The following LONP1 variants were observed in gnomAD, a reference collection of about 807,000 sequenced individuals.
The protein encoded by LONP1 is lon protease homolog, mitochondrial.
Under a neutral mutation model 98.5 loss-of-function variants are expected in LONP1, and 31 were observed. That is an observed-to-expected ratio of 0.31 (90% CI 0.24 to 0.42). LONP1 has a LOEUF of 0.42. Among genes scored for constraint, LONP1 ranks in the 20% least tolerant of loss-of-function variants. The pLI is 1.00. For missense variants in LONP1, 1,336 were observed against 1,350.6 expected (o/e 0.99, Z 0.17); for synonymous variants, 781 against 594.7 (o/e 1.31, Z -4.56).
intron 7 of LONP1, 90 bp downstream of exon 7, chr19:5,706,970 G>A (rs553694925): frequency 9.0e-6 from 10 of 1,105,944 alleles, no homozygotes; most frequent in East Asian, 2.5e-5. Flanking sequence ...CGATGCCACC[G>A]GTCCCTCCGT....
At chr19:5,713,416 G>A (rs972977133) in intron 2 of LONP1, among the ~76,000 whole-genome samples, 163 bp from the exon 3 acceptor site, 1 of 152,196 alleles carries the variant, frequency 6.6e-6, no homozygotes, top group African/African-American at 2.4e-5. Context: ...AGAGCCTAGG[G>A]GAGCTTCTGC....
In LONP1 at chr19:5,705,974, G is replaced by T. The variant is rs778112465; in HGVS notation, c.1165C>A (p.Gln389Lys). The part of the protein sequence containing the change: ...LGREVEEKIK[Q>K]THRKYLLQEQ... ...TGCAGCAGGTACTTACGGTGGGTCT[G>T]CTTGATCTTCTCCTCCACCTGTGGG... The change falls in exon 8 of 18, where the codon CAG becomes AAG. Residue 389 changes from glutamine (Q) to lysine (K), a missense_variant. This residue lies in a region of LONP1 where 219 missense variants were observed against 241.0 expected (regional missense o/e 0.91). Coordinates refer to ENST00000360614, the MANE Select transcript of LONP1 (RefSeq NM_004793.4). The T allele has an allele frequency of 1.2e-6, 2 of 1,612,394 alleles. No homozygotes were observed. Among genetic ancestry groups the T allele is most frequent in the Admixed American group, 3.3e-5 (2 of 60,010 alleles).
intron 9 of LONP1, among the ~76,000 whole-genome samples, chr19:5,699,748 C>T (rs1462032947): frequency 4.0e-5 from 6 of 151,144 alleles, no homozygotes; most frequent in East Asian, 2.0e-4. Context: ...TTAGTAGAGG[C>T]GAGGTTTCAC....
intron 8 of LONP1, among the ~76,000 whole-genome samples, chr19:5,704,658 T>C (rs954507310): frequency 6.6e-6 from 1 of 152,156 alleles, no homozygotes; most frequent in East Asian, 1.9e-4. Context: ...TGGCTGGACA[T>C]GGGCATGGCT....
chr19:5,708,187 G>A (rs567466905), intron 5 of LONP1, among the ~76,000 whole-genome samples, 155 bp downstream of exon 5: 109 of 152,312 alleles, frequency 7.2e-4, no homozygotes, highest in South Asian at 1.7e-3. Context: ...CCTGCCCCAT[G>A]CCCCAGTGGG....
At chr19:5,714,095 T>C in intron 2 of LONP1, 88 bp downstream of exon 2, 1 of 1,013,822 alleles carries the variant, frequency 9.9e-7, no homozygotes, top group Non-Finnish European at 1.5e-6. Context: ...GGGTCAGGGG[T>C]CAAAGGTGCA....
At position 5,696,168 on chromosome 19, in the gene LONP1, C is replaced by T. The variant is rs2054923969; in HGVS notation, c.1899G>A (p.Val633=). Residue 633 remains valine, a splice_region_variant and synonymous_variant, in exon 13 of 18, where the codon GTG becomes GTA. Transcript: ENST00000360614. ...TGACGTTGGCCGTGCAGATGAACAG[C>T]ACCTGGGGGCGGCGGCAAGGTGCTG... ...YLDVPVDLSK[V]LFICTANVTD... 9 of 1,612,812 alleles carry T rather than the reference C, an allele frequency of 5.6e-6. No individual in the cohort carries two copies. The highest frequency in any genetic ancestry group is 2.2e-5 in the East Asian group (1 of 44,876).
chr19:5,701,380 G>A (rs966450153), intron 8 of LONP1, among the ~76,000 whole-genome samples: 9 of 151,998 alleles, frequency 5.9e-5, no homozygotes, highest in South Asian at 2.1e-4. Flanking sequence ...CTCTGATGCC[G>A]AGCCGAGGCT....
At chr19:5,697,083 C>T (rs534508876) in intron 10 of LONP1, among the ~76,000 whole-genome samples, 4 of 152,290 alleles carry the variant, frequency 2.6e-5, no homozygotes, top group African/African-American at 9.6e-5. Context: ...GGACGCCAGG[C>T]ACGCCTCAGC....
Position 5,711,968 on chromosome 19 carries a change from C to T in LONP1, c.673G>A (p.Glu225Lys), listed in dbSNP as rs373028270. 58 of 1,613,044 alleles carry T rather than the reference C, an allele frequency of 3.6e-5. No individual in the cohort carries two copies. The highest frequency in any genetic ancestry group is 4.6e-5 in the Non-Finnish European group (54 of 1,179,954). ...HISRQLEVEP[E>K]EPEAENKHKP... Reference sequence around the variant, plus strand: ...TGCTTGTTCTCCGCCTCCGGCTCCTCGGGCTCCACCTCCAGCTGTCTGCTG... The same window carrying T: ...TGCTTGTTCTCCGCCTCCGGCTCCTTGGGCTCCACCTCCAGCTGTCTGCTG... The change falls in exon 4 of 18, where the codon GAG (glutamate) becomes AAG (lysine). Residue 225 changes from glutamate to lysine, a missense_variant. Coordinates refer to ENST00000360614, the MANE Select transcript of LONP1 (RefSeq NM_004793.4).
rs373533583 is a variant in LONP1, at chr19:5,714,250, C to T, written c.451G>A (p.Glu151Lys). The T allele has an allele frequency of 1.2e-6, 2 of 1,613,774 alleles. No individual in the cohort carries two copies. Among genetic ancestry groups the T allele is most frequent in the Admixed American group, 3.3e-5 (2 of 59,956 alleles). The change falls in exon 2 of 18, where the codon GAG becomes AAG. Residue 151 changes from glutamate (E) to lysine (K), a missense_variant. By Grantham distance (56) the Glu-to-Lys change is moderately conservative. Around this residue, in one of 5 missense-constraint regions of LONP1, gnomAD observed 457 missense variants for 403.1 expected, o/e 1.13. Transcript: ENST00000360614. ...IIEVKNKKLV[E>K]LLRRKVRLAQ... ...AGACGAACTTTCCTTCTCAGCAGCT[C>T]AACCAACTTCTTATTTTTAACCTAG...
chr19:5,697,726 ATCCATCGCCCCGCAGCCAGTC>A (rs1394810282), intron 10 of LONP1, among the ~76,000 whole-genome samples: 1 of 150,996 alleles, frequency 6.6e-6, no homozygotes, highest in East Asian at 2.0e-4. Context: ...AATAACAACG[ATCCATCGCCCCGCAGCCAGTC>A]TCCTGTCCTT....
At position 5,696,044 on chromosome 19, in the gene LONP1, C is replaced by T. The variant is rs2054921163; in HGVS notation, c.2013+10G>A. On this transcript the variant is annotated intron_variant, in intron 13 of 17. Coordinates refer to ENST00000360614, the MANE Select transcript of LONP1 (RefSeq NM_004793.4). ...GGAAGGGGACAGCAGTGGGGAGGGGCTGGGCTTACCTCCGCAATGGCCAGC... is the reference window on the plus strand; with the variant it reads ...GGAAGGGGACAGCAGTGGGGAGGGGTTGGGCTTACCTCCGCAATGGCCAGC... The T allele has an allele frequency of 3.1e-6, 5 of 1,609,472 alleles. No individual in the cohort carries two copies. Among genetic ancestry groups the T allele is most frequent in the Non-Finnish European group, 4.2e-6 (5 of 1,178,434 alleles).
At chr19:5,701,918 T>C (rs1357904353) in intron 8 of LONP1, among the ~76,000 whole-genome samples, 3 of 148,364 alleles carry the variant, frequency 2.0e-5, no homozygotes, top group Non-Finnish European at 4.5e-5. Context: ...GTCTGGGATA[T>C]GAGGAGCGCC....
rs2054880746 is a variant in LONP1, at chr19:5,694,099, T to G, written c.2320+288A>C. On this transcript the variant is annotated intron_variant, in intron 15 of 17. Coordinates refer to ENST00000360614, the MANE Select transcript of LONP1 (RefSeq NM_004793.4). ...GCACCATCCCCTTTGCCCTCTCGCC[T>G]CCTTTGTGCGTGGTGGCCCCAAGGC... 2.0e-5 allele frequency among the ~76,000 whole-genome samples: 3 copies of G among 152,140 alleles called. No homozygotes were observed. In the South Asian group the frequency reaches 6.2e-4, roughly 32 times the overall value.
At chr19:5,701,264 T>C (rs1297813051) in intron 8 of LONP1, among the ~76,000 whole-genome samples, 3 of 152,032 alleles carry the variant, frequency 2.0e-5, no homozygotes, top group African/African-American at 7.2e-5. Flanking sequence ...GCTAGCACGG[T>C]GAAACCCTGT....
intron 8 of LONP1, among the ~76,000 whole-genome samples, chr19:5,704,209 C>T (rs1319823252): frequency 2.0e-5 from 3 of 152,200 alleles, no homozygotes; most frequent in Admixed American, 6.5e-5. Context: ...GATGCGGGCG[C>T]CTCCAGATAC....
At chr19:5,718,462 A>C (rs1252967531) in intron 1 of LONP1, among the ~76,000 whole-genome samples, 1 of 146,120 alleles carries the variant, frequency 6.8e-6, no homozygotes, top group Non-Finnish European at 1.5e-5. Flanking sequence ...TAGATGACAG[A>C]GTGCAACTTG....
chr19:5,692,344 C>T, intron 17 of LONP1, 136 bp from the exon 18 acceptor site: 3 of 775,028 alleles, frequency 3.9e-6, no homozygotes, highest in East Asian at 5.8e-5. Context: ...AGTCCCAAAA[C>T]CCACCAGGGT....
Sources: allele counts gnomAD v4.1 joint callset (sites outside exome capture counted in the v4.1 genomes callset), GRCh38; gene constraint gnomAD v4.1.1; regional missense constraint gnomAD v4.1.1; transcripts MANE v1.5; gene names NCBI Gene and HGNC (gene_info 2026-07-23, HGNC 2026-07-21).